KIAA0232: variants seen among roughly 807,000 people sequenced by gnomAD.
The protein encoded by KIAA0232 is KIAA0232, also known as uncharacterized protein KIAA0232.
Under a neutral mutation model 122.0 loss-of-function variants are expected in KIAA0232, and 27 were observed. That is an observed-to-expected ratio of 0.22 (90% CI 0.16 to 0.31). The LOEUF (loss-of-function observed/expected upper bound fraction) is 0.31, where lower values mean the gene tolerates loss of function less well. Among genes scored for constraint, KIAA0232 ranks in the 10% least tolerant of loss-of-function variants. The pLI, the probability that KIAA0232 is intolerant of heterozygous loss-of-function variation, is 1.00. For synonymous variants in KIAA0232, 613 were observed against 587.6 expected (o/e 1.04, Z -0.63); for missense variants, 1,551 against 1,634.2 (o/e 0.95, Z 0.88).
chr4:6,881,067 T>G lies in KIAA0232; in HGVS notation c.*101T>G, dbSNP rs1349415405. 4 of 767,234 alleles carry G rather than the reference T, an allele frequency of 5.2e-6. No individual in the cohort carries two copies. The highest frequency in any genetic ancestry group is 7.6e-6 in the Non-Finnish European group (4 of 528,104). The allele number at this position is 767,234 out of a possible 1,614,324, so 47.5% of individuals were successfully genotyped here. The stretch of plus-strand genomic sequence containing the variant: ...CTAAAACAACAACTTAGGTTTCCTC[T>G]TCAATTAACTGATTCAGATTGGTAA... On this transcript the variant is annotated 3_prime_UTR_variant, in exon 10 of 10. Coordinates refer to ENST00000307659, the MANE Select transcript of KIAA0232 (RefSeq NM_014743.3).
chr4:6,799,170 G>A (rs1462097256), intron 1 of KIAA0232, among the ~76,000 whole-genome samples: 1 of 151,668 alleles, frequency 6.6e-6, no homozygotes, highest in African/African-American at 2.4e-5. Flanking sequence ...CATTACTGCA[G>A]TCTCCGCATC....
intron 4 of KIAA0232, among the ~76,000 whole-genome samples, chr4:6,843,336 G>T (rs755287585): frequency 6.6e-6 from 1 of 152,162 alleles, no homozygotes; most frequent in Non-Finnish European, 1.5e-5. Context: ...ACTAATTGTT[G>T]AATGGTCTAG....
chr4:6,856,120 T>G (rs942204175), intron 4 of KIAA0232, among the ~76,000 whole-genome samples: 8 of 152,100 alleles, frequency 5.3e-5, no homozygotes, highest in Non-Finnish European at 8.8e-5. Context: ...ACTCAAACTG[T>G]GTAACCGTGG....
intron 3 of KIAA0232, among the ~76,000 whole-genome samples, chr4:6,841,813 TAAATAGAAAAC>T (rs1247179061): frequency 1.3e-5 from 2 of 152,124 alleles, no homozygotes; most frequent in African/African-American, 4.8e-5. Flanking sequence ...AAGACCTAAA[TAAATAGAAAAC>T]ATCCCATGTT....
At position 6,820,146 on chromosome 4, in the gene KIAA0232, G is replaced by A. The variant is rs116650266; in HGVS notation, c.-269-4039G>A. Among the ~76,000 whole-genome samples the A allele has an allele frequency of 2.1e-3, 319 of 152,080 alleles. 1 individual carries two copies. The highest frequency in any genetic ancestry group is 7.4e-3 in the African/African-American group (307 of 41,476). On this transcript the variant is annotated intron_variant, in intron 2 of 9. Coordinates refer to ENST00000307659, the MANE Select transcript of KIAA0232 (RefSeq NM_014743.3). Reference sequence around the variant, plus strand: ...AGGTGTTGAAAAAACTAACTGTTGGGTACTGTACTCAGTACCTGGGCAATG... The same window carrying A: ...AGGTGTTGAAAAAACTAACTGTTGGATACTGTACTCAGTACCTGGGCAATG...
chr4:6,811,783 C>A (rs891109076), intron 2 of KIAA0232, among the ~76,000 whole-genome samples: 3 of 133,316 alleles, frequency 2.3e-5, no homozygotes, highest in Non-Finnish European at 3.2e-5. Flanking sequence ...AAGATATAAA[C>A]CTTTGTGTTA....
intron 2 of KIAA0232, among the ~76,000 whole-genome samples, chr4:6,814,905 G>T (rs1293960878): frequency 6.6e-6 from 1 of 152,056 alleles, no homozygotes; most frequent in East Asian, 1.9e-4. Flanking sequence ...AAGTAAAAAA[G>T]ACAAATTTTA....
At chr4:6,841,989 C>CT (rs1359528832) in intron 3 of KIAA0232, 78 bp from the exon 4 acceptor site, 56 of 1,516,136 alleles carry the variant, frequency 3.7e-5, no homozygotes, top group Non-Finnish European at 5.0e-5. Context: ...CTTTTTGTGA[C>CT]TGAGTGTGTG....
intron 2 of KIAA0232, among the ~76,000 whole-genome samples, chr4:6,817,511 A>G (rs1268034770): frequency 1.3e-5 from 2 of 152,176 alleles, no homozygotes; most frequent in African/African-American, 4.8e-5. Context: ...CACTGTGCCT[A>G]GCCTCCCCTA....
chr4:6,830,126 T>C (rs1321307174), intron 3 of KIAA0232, among the ~76,000 whole-genome samples: 1 of 152,230 alleles, frequency 6.6e-6, no homozygotes, highest in Admixed American at 6.5e-5. Flanking sequence ...ATGTATCATG[T>C]GCTGTGTGCC....
intron 2 of KIAA0232, among the ~76,000 whole-genome samples, chr4:6,813,046 C>T (rs1191767434): frequency 6.6e-6 from 1 of 152,132 alleles, no homozygotes; most frequent in Non-Finnish European, 1.5e-5. Flanking sequence ...GATAGTATGT[C>T]TCTTATAGCT....
rs113529810 is a variant in KIAA0232 at position 6,880,305 on chromosome 4, G to A, written c.4009-482G>A. Among the ~76,000 whole-genome samples, 99 of 48,678 alleles carry A rather than the reference G, an allele frequency of 2.0e-3. 2 individuals carry two copies. The highest frequency in any genetic ancestry group is 6.9e-3 in the East Asian group (13 of 1,884). 31.9% of individuals were successfully genotyped at this position (48,678 alleles called of 152,430 possible). ...TGCAAACTCCCTTCCCAACACACAGGTCTGTAGTGTCGCCTCACCATCTGT... is the reference window on the plus strand; with the variant it reads ...TGCAAACTCCCTTCCCAACACACAGATCTGTAGTGTCGCCTCACCATCTGT... On this transcript the variant is annotated intron_variant, in intron 9 of 9. Coordinates refer to ENST00000307659, the MANE Select transcript of KIAA0232 (RefSeq NM_014743.3).
rs1450212336 is a variant in KIAA0232 at position 6,824,658 on chromosome 4, A to G, written c.205A>G (p.Ser69Gly). ...RYVLSLLLHD[S>G]YDYDLQEQEN... ...TGTCCTCAGTCTTCTGCTGCATGAC[A>G]GCTATGACTACGACCTGCAGGAACA... is the stretch of plus-strand genomic sequence containing the variant. The change falls in exon 3 of 10, where the codon AGC becomes GGC. Residue 69 changes from serine (S) to glycine (G), a missense_variant. By Grantham distance (56) the Ser-to-Gly change is moderately conservative. Around this residue, in one of 5 missense-constraint regions of KIAA0232, gnomAD observed 377 missense variants for 381.7 expected, o/e 0.99. Transcript: ENST00000307659. 1 of 1,614,174 alleles carries G rather than the reference A, an allele frequency of 6.2e-7. No homozygotes were observed. Among genetic ancestry groups the G allele is most frequent in the Admixed American group, 1.7e-5 (1 of 60,012 alleles).
At chr4:6,820,660 C>G (rs1718378623) in intron 2 of KIAA0232, among the ~76,000 whole-genome samples, 1 of 151,956 alleles carries the variant, frequency 6.6e-6, no homozygotes, top group African/African-American at 2.4e-5. Context: ...AAAAGCTCTA[C>G]AATGTTTTGT....
Position 6,863,442 on chromosome 4 carries a change from CT to C in KIAA0232, c.3062del (p.Leu1021TyrfsTer2). 1 of 1,614,140 alleles carries C rather than the reference CT, an allele frequency of 6.2e-7. No individual in the cohort carries two copies. Among genetic ancestry groups the C allele is most frequent in the Non-Finnish European group, 8.5e-7 (1 of 1,180,010 alleles). On this transcript the variant is annotated frameshift_variant, in exon 7 of 10. Transcript: ENST00000307659. LOFTEE classifies it high-confidence loss of function. ...GATTTTCTTTTATCTTCCATGAAGA[CT>C]TACTAGGAGCTTGTGGCAACTTTCA... The part of the protein sequence containing the change: ...KGFSFIFHED[L>X]LGACGNFQVE...
chr4:6,819,193 A>G (rs1182141562), intron 2 of KIAA0232, among the ~76,000 whole-genome samples: 2 of 152,200 alleles, frequency 1.3e-5, no homozygotes, highest in Non-Finnish European at 2.9e-5. Context: ...CCTCAAAAGC[A>G]ATTGCAACAA....
chr4:6,864,990 A>G (rs769835957), intron 7 of KIAA0232, among the ~76,000 whole-genome samples: 20 of 152,232 alleles, frequency 1.3e-4, no homozygotes, highest in Non-Finnish European at 2.4e-4. Flanking sequence ...CCCAAATGCA[A>G]CAAAATTTCT....
intron 2 of KIAA0232, among the ~76,000 whole-genome samples, chr4:6,806,956 A>G (rs1057440360): frequency 6.6e-6 from 1 of 151,848 alleles, no homozygotes; most frequent in Non-Finnish European, 1.5e-5. Flanking sequence ...AGTACTTCTG[A>G]ATCTATGTAG....
rs943713334 is a variant in KIAA0232 at position 6,880,944 on chromosome 4, T to C, written c.4166T>C (p.Leu1389Pro). ...GEWVGPSEEE[L>P]FSRTHL The stretch of plus-strand genomic sequence containing the variant: ...TGGGTGGGCCCTAGTGAAGAGGAGC[T>C]CTTTTCTCGAACTCATCTCTAAACC... Residue 1389 changes from leucine (L) to proline (P), a missense_variant, in exon 10 of 10, where the codon CTC (leucine) becomes CCC (proline). Physicochemically the swap from Leu to Pro is moderately conservative, Grantham distance 98. Transcript: ENST00000307659. 4.8e-5 allele frequency: 75 copies of C among 1,567,770 alleles called. No homozygotes were observed. Among genetic ancestry groups the C allele is most frequent in the Non-Finnish European group, 6.4e-5 (74 of 1,156,382 alleles).
Sources: gnomAD v4.1 joint callset for allele counts (sites outside exome capture counted in the v4.1 genomes callset) on GRCh38, gnomAD v4.1.1 for gene constraint, gnomAD v4.1.1 regional missense constraint, MANE v1.5 for transcripts, NCBI Gene and HGNC (gene_info 2026-07-23, HGNC 2026-07-21) for gene names.